BRWD1: variants seen among roughly 807,000 people sequenced by gnomAD.
BRWD1 encodes bromodomain and WD repeat-containing protein 1.
In BRWD1, 82 loss-of-function variants were observed where a neutral mutation model predicts 251.2. The ratio of observed to expected loss-of-function variants is 0.33; its 90% CI spans 0.27 to 0.39. The LOEUF (loss-of-function observed/expected upper bound fraction) is 0.39, where lower values mean the gene tolerates loss of function less well. BRWD1 is among the 10% of genes least tolerant of loss of function. The pLI is 1.00. For synonymous variants in BRWD1, 918 were observed against 902.8 expected (o/e 1.02, Z -0.30); for missense variants, 2,233 against 2,711.6 (o/e 0.82, Z 3.92).
chr21:39,187,120 G>A lies in BRWD1; in HGVS notation c.*9139C>T. The A allele has an allele frequency of 6.2e-7, 1 of 1,611,186 alleles. No individual in the cohort carries two copies. Among genetic ancestry groups the A allele is most frequent in the Non-Finnish European group, 8.5e-7 (1 of 1,179,152 alleles). ...CTCTTTTTCACTTTCAGAATTTATG[G>A]TTGTATCATCCTCTTTATAAACATT... On this transcript the variant is annotated 3_prime_UTR_variant, in exon 41 of 41. Coordinates refer to ENST00000342449, the MANE Select transcript of BRWD1 (RefSeq NM_033656.4).
intron 21 of BRWD1, among the ~76,000 whole-genome samples, chr21:39,246,225 A>G (rs542771005): frequency 1.3e-5 from 2 of 152,350 alleles, no homozygotes; most frequent in African/African-American, 4.8e-5. Context: ...ACCCCCCAAA[A>G]AAAGTGAAAA....
chr21:39,288,137 G>A (rs1247883666), intron 8 of BRWD1, among the ~76,000 whole-genome samples: 1 of 152,184 alleles, frequency 6.6e-6, no homozygotes, highest in Non-Finnish European at 1.5e-5. Context: ...GGCTATAGCA[G>A]AAGACATCAG....
chr21:39,308,361 A>C (rs2036356549), intron 4 of BRWD1, among the ~76,000 whole-genome samples: 1 of 152,052 alleles, frequency 6.6e-6, no homozygotes, highest in Admixed American at 6.6e-5. Flanking sequence ...ACATGTCTGT[A>C]ATCCCAGCTA....
In BRWD1 at chr21:39,190,510, G is replaced by GTTT. The variant is rs1415074896; in HGVS notation, c.*5748_*5749insAAA. On this transcript the variant is annotated 3_prime_UTR_variant, in exon 41 of 41. Coordinates refer to ENST00000342449, the MANE Select transcript of BRWD1 (RefSeq NM_033656.4). ...TGGATAAATCAAATCCACAAAGTGGGTAAACCCTCTAGGTGCAAGTTATAA... is the reference window on the plus strand; with the variant it reads ...TGGATAAATCAAATCCACAAAGTGGGTTTTAAACCCTCTAGGTGCAAGTTATAA... The GTTT allele has an allele frequency of 1.0e-6, 1 of 985,190 alleles. No homozygotes were observed. The highest frequency in any genetic ancestry group is 1.7e-5 in the African/African-American group (1 of 57,184). 61.0% of individuals were successfully genotyped at this position (985,190 alleles called of 1,614,324 possible). A position where few individuals can be genotyped will look rare whatever the true frequency, so the allele number is the denominator to read the frequency against.
intron 8 of BRWD1, among the ~76,000 whole-genome samples, chr21:39,283,200 TAA>T (rs200329757): frequency 0.015 from 2,313 of 152,324 alleles, 55 homozygotes; most frequent in African/African-American, 0.053. Context: ...CGTGCTTATA[TAA>T]TTCTCTTTTA....
chr21:39,190,808 C>A lies in BRWD1; in HGVS notation c.*5451G>T, dbSNP rs2031512443. 1 of 985,234 alleles carries A rather than the reference C, an allele frequency of 1.0e-6. No individual in the cohort carries two copies. The highest frequency in any genetic ancestry group is 1.7e-5 in the African/African-American group (1 of 57,222). The allele number at this position is 985,234 out of a possible 1,614,324, so 61.0% of individuals were successfully genotyped here. The stretch of plus-strand genomic sequence containing the variant: ...TGGTAACACTGCAGTATGGCAGCAT[C>A]AGGTCAAAAGACCATCAGAAATAAT... On this transcript the variant is annotated 3_prime_UTR_variant, in exon 41 of 41. Transcript: ENST00000342449.
Position 39,206,293 on chromosome 21 carries a change from A to G in BRWD1, c.4198-19T>C. ...TATAAATCTGCAAGGATATAAAAAC[A>G]AAGTAGAATTACAAAATAGCCTTAA... On this transcript the variant is annotated intron_variant, in intron 36 of 40. Coordinates refer to ENST00000342449, the MANE Select transcript of BRWD1 (RefSeq NM_033656.4). 1 of 1,506,104 alleles carries G rather than the reference A, an allele frequency of 6.6e-7. No homozygotes were observed. The highest frequency in any genetic ancestry group is 9.0e-7 in the Non-Finnish European group (1 of 1,107,364). The allele number at this position is 1,506,104 out of a possible 1,614,324, so 93.3% of individuals were successfully genotyped here. A position where few individuals can be genotyped will look rare whatever the true frequency, so the allele number is the denominator to read the frequency against.
chr21:39,203,493 G>A (rs908592190), intron 37 of BRWD1, among the ~76,000 whole-genome samples: 2 of 117,954 alleles, frequency 1.7e-5, no homozygotes, highest in Non-Finnish European at 3.2e-5. Context: ...TGCAAGCTCC[G>A]CCTCCCGAGT....
rs2034543303 is a variant in BRWD1, at chr21:39,255,728, T to G, written c.2172A>C (p.Pro724=). Residue 724 remains proline (P), a synonymous_variant, in exon 19 of 41, where the codon CCA becomes CCC. Transcript: ENST00000342449. ...EGVRQMHQNA[P]RSQIATERDL... is the part of the protein sequence containing the mutation. ...CACGTTCTGTAGCAATCTGACTGCG[T>G]GGAGCGTTTTGATGCATCTGACGAA... 3 of 1,614,210 alleles carry G rather than the reference T, an allele frequency of 1.9e-6. No individual in the cohort carries two copies. Among genetic ancestry groups the G allele is most frequent in the Non-Finnish European group, 2.5e-6 (3 of 1,180,032 alleles).
At position 39,195,842 on chromosome 21, in the gene BRWD1, T is replaced by C. The variant is rs552604161; in HGVS notation, c.*417A>G. The C allele has an allele frequency of 1.8e-4, 174 of 988,782 alleles. No homozygotes were observed. Among genetic ancestry groups the C allele is most frequent in the Middle Eastern group, 5.1e-4 (1 of 1,942 alleles). 61.3% of individuals were successfully genotyped at this position (988,782 alleles called of 1,614,324 possible). ...TGTATTTATGAAGAATCTGTAAACA[T>C]AGGTTGTGAAATTGTTGTAACTACT... On this transcript the variant is annotated 3_prime_UTR_variant, in exon 41 of 41. Coordinates refer to ENST00000342449, the MANE Select transcript of BRWD1 (RefSeq NM_033656.4).
intron 4 of BRWD1, chr21:39,312,566 G>A: frequency 3.0e-6 from 1 of 330,284 alleles, no homozygotes; most frequent in Non-Finnish European, 5.7e-6. Flanking sequence ...CGCAGAGGCG[G>A]CCGCACCTGG....
chr21:39,200,061 AC>A (rs1460719417), intron 39 of BRWD1, among the ~76,000 whole-genome samples, 157 bp downstream of exon 39: 1 of 152,170 alleles, frequency 6.6e-6, no homozygotes, highest in Non-Finnish European at 1.5e-5. Context: ...CCTTTTCTTC[AC>A]TTTTTAATGC....
At chr21:39,211,022 C>T in intron 34 of BRWD1, 93 bp from the exon 35 acceptor site, 1 of 1,280,638 alleles carries the variant, frequency 7.8e-7, no homozygotes, top group Non-Finnish European at 1.1e-6. Flanking sequence ...TATAAAAATA[C>T]AATAATGTCA....
intron 7 of BRWD1, among the ~76,000 whole-genome samples, chr21:39,294,688 C>CTA (rs994223182): frequency 1.3e-5 from 2 of 150,530 alleles, no homozygotes; most frequent in Non-Finnish European, 2.9e-5. Context: ...TCACATCAAG[C>CTA]TATATAATGT....
At chr21:39,218,373 C>T in intron 30 of BRWD1, 101 bp from the exon 31 acceptor site, 1 of 1,453,820 alleles carries the variant, frequency 6.9e-7, no homozygotes, top group Non-Finnish European at 9.2e-7. Flanking sequence ...TTTAACATTA[C>T]AGGCTAAATT....
intron 21 of BRWD1, among the ~76,000 whole-genome samples, chr21:39,245,118 C>T (rs2034139360): frequency 6.6e-6 from 1 of 151,664 alleles, no homozygotes; most frequent in Non-Finnish European, 1.5e-5. Context: ...TGGCTGGTGC[C>T]TGTTAATCCC....
Position 39,250,913 on chromosome 21 carries a change from T to C in BRWD1, c.2256-24A>G, listed in dbSNP as rs73906160. The C allele has an allele frequency of 3.6e-4, 507 of 1,393,148 alleles. 1 individual carries two copies. The African/African-American group carries it at 6.3e-3, about 17-fold the overall frequency. The allele number at this position is 1,393,148 out of a possible 1,614,324, so 86.3% of individuals were successfully genotyped here. A position where few individuals can be genotyped will look rare whatever the true frequency, so the allele number is the denominator to read the frequency against. Reference sequence around the variant, plus strand: ...TCCTACAAATTTAAATACCCAGTTATATTAACTACTGAACTGATGGATAAC... The same window carrying C: ...TCCTACAAATTTAAATACCCAGTTACATTAACTACTGAACTGATGGATAAC... On this transcript the variant is annotated intron_variant, in intron 19 of 40. Coordinates refer to ENST00000342449, the MANE Select transcript of BRWD1 (RefSeq NM_033656.4).
chr21:39,253,513 C>T (rs140054634), intron 19 of BRWD1, among the ~76,000 whole-genome samples: 196 of 152,192 alleles, frequency 1.3e-3, no homozygotes, highest in African/African-American at 4.6e-3. Context: ...GAAAAAGCAT[C>T]CCAAAATGAC....
chr21:39,248,872 A>G (rs1397113730), intron 20 of BRWD1, among the ~76,000 whole-genome samples: 2 of 152,174 alleles, frequency 1.3e-5, no homozygotes, highest in East Asian at 3.8e-4. Context: ...TATATACCCA[A>G]AGGAAAAGAA....
Sources: allele counts gnomAD v4.1 joint callset (sites outside exome capture counted in the v4.1 genomes callset), GRCh38; gene constraint gnomAD v4.1.1; transcripts MANE v1.5; gene names NCBI Gene and HGNC (gene_info 2026-07-23, HGNC 2026-07-21).